The following GPBP1 variants were observed in gnomAD, a reference collection of about 807,000 sequenced individuals.
GPBP1 encodes the protein vasculin.
GPBP1 carries 13 observed loss-of-function variants against 56.5 expected under a neutral mutation model. The ratio of observed to expected loss-of-function variants is 0.23; its 90% confidence interval spans 0.15 to 0.37. The LOEUF (loss-of-function observed/expected upper bound fraction) is 0.37. Ranked by LOEUF, GPBP1 falls within the 10% of genes least tolerant of loss-of-function variation. The pLI, the probability that GPBP1 is intolerant of heterozygous loss-of-function variation, is 1.00. For synonymous variants in GPBP1, 204 were observed against 188.9 expected (o/e 1.08, Z -0.66); for missense variants, 477 against 572.3 (o/e 0.83, Z 1.70).
intron 10 of GPBP1, among the ~76,000 whole-genome samples, chr5:57,259,537 C>T (rs1741802446): frequency 6.6e-6 from 1 of 152,054 alleles, no homozygotes; most frequent in Non-Finnish European, 1.5e-5. Flanking sequence ...TTAGACCATC[C>T]CTGAAGAACT....
intron 3 of GPBP1, among the ~76,000 whole-genome samples, chr5:57,215,348 G>A (rs1755657012): frequency 6.6e-6 from 1 of 152,218 alleles, no homozygotes; most frequent in South Asian, 2.1e-4. Flanking sequence ...GTCACTTTGG[G>A]ATGAGGGTGA....
intron 2 of GPBP1, among the ~76,000 whole-genome samples, chr5:57,186,421 G>T (rs1393908260): frequency 6.6e-6 from 1 of 151,766 alleles, no homozygotes; most frequent in Non-Finnish European, 1.5e-5. Flanking sequence ...TTCTTTCATG[G>T]TTTGTGCTTT....
intron 6 of GPBP1, among the ~76,000 whole-genome samples, chr5:57,243,897 C>T (rs764511252): frequency 1.1e-4 from 17 of 151,938 alleles, no homozygotes; most frequent in African/African-American, 4.1e-4. Flanking sequence ...CTATATTGCC[C>T]AGGCTGGTCT....
chr5:57,245,455 A>G (rs1434471720), intron 6 of GPBP1: 1 of 152,202 alleles, frequency 6.6e-6, no homozygotes, highest in South Asian at 2.1e-4. Flanking sequence ...CATTACAGAT[A>G]TCTACCCAGC....
chr5:57,178,576 T>C (rs1000479009), intron 2 of GPBP1, among the ~76,000 whole-genome samples: 5 of 152,214 alleles, frequency 3.3e-5, no homozygotes, highest in Non-Finnish European at 7.3e-5. Flanking sequence ...ATTACTGATA[T>C]TGTTAATCTA....
At chr5:57,210,604 T>C (rs1036536624) in intron 2 of GPBP1, among the ~76,000 whole-genome samples, 7 of 152,210 alleles carry the variant, frequency 4.6e-5, no homozygotes, top group Admixed American at 3.3e-4. Context: ...AAAGGAAATA[T>C]TTAATACATA....
chr5:57,227,879 G>A (rs1756266247), intron 3 of GPBP1, among the ~76,000 whole-genome samples: 1 of 152,104 alleles, frequency 6.6e-6, no homozygotes, highest in Admixed American at 6.6e-5. Context: ...TAAAATATGA[G>A]TAAGAAATAA....
At chr5:57,184,045 A>C (rs1250765012) in intron 2 of GPBP1, among the ~76,000 whole-genome samples, 1 of 152,096 alleles carries the variant, frequency 6.6e-6, no homozygotes, top group African/African-American at 2.4e-5. Flanking sequence ...CAGCCTGGCC[A>C]ACATGGTGAA....
intron 9 of GPBP1, 115 bp downstream of exon 9, chr5:57,249,691 A>C (rs1741267886): frequency 3.6e-6 from 3 of 824,054 alleles, no homozygotes; most frequent in East Asian, 3.1e-5. Flanking sequence ...AAACTTGGAA[A>C]GCCATTTGCA....
rs998060649 is a variant in GPBP1 at position 57,234,697 on chromosome 5, C to T, written c.412-1269C>T. ...AGAAAAGGAAATCCAAGAGCTTTCA[C>T]GTGTGAGATGGATTTGATGTGCAAT... On this transcript the variant is annotated intron_variant, in intron 5 of 11. Transcript: ENST00000506184. Among the ~76,000 whole-genome samples, 16 of 152,282 alleles carry T rather than the reference C, an allele frequency of 1.1e-4. No homozygotes were observed. In the South Asian group the frequency reaches 1.5e-3, roughly 14 times the overall value.
At chr5:57,208,639 T>G (rs1755339612) in intron 2 of GPBP1, among the ~76,000 whole-genome samples, 1 of 150,412 alleles carries the variant, frequency 6.6e-6, no homozygotes, top group Admixed American at 6.8e-5. Context: ...CACAGGGATA[T>G]CTGTCTTTTG....
Position 57,225,277 on chromosome 5 carries a change from T to G in GPBP1, c.64-5569T>G, listed in dbSNP as rs188033287. Among the ~76,000 whole-genome samples the G allele has an allele frequency of 2.3e-3, 324 of 143,322 alleles. 1 individual carries two copies. Among genetic ancestry groups the G allele is most frequent in the Non-Finnish European group, 3.7e-3 (247 of 67,346 alleles). 94.0% of individuals were successfully genotyped at this position (143,322 alleles called of 152,430 possible). On this transcript the variant is annotated intron_variant, in intron 3 of 11. Coordinates refer to ENST00000506184, the MANE Select transcript of GPBP1 (RefSeq NM_022913.4). ...ATCTTGACCATCCTGGCTAACATGG[T>G]GAAACCCCGTCTCTACTAAAACCTG...
intron 2 of GPBP1, among the ~76,000 whole-genome samples, chr5:57,178,231 ATATT>A (rs1165398232): frequency 5.9e-5 from 9 of 152,224 alleles, no homozygotes; most frequent in African/African-American, 2.2e-4. Flanking sequence ...AAACTACATA[ATATT>A]TATTATTTGT....
intron 5 of GPBP1, 140 bp downstream of exon 5, chr5:57,231,461 C>T (rs4267825): frequency 0.29 from 200,967 of 704,764 alleles, 33,259 homozygotes; most frequent in East Asian, 0.71. Context: ...TTTGTAGAGA[C>T]AGGGTTTCAC....
chr5:57,240,118 G>T (rs1003085853), intron 6 of GPBP1, among the ~76,000 whole-genome samples: 3 of 152,090 alleles, frequency 2.0e-5, no homozygotes, highest in Non-Finnish European at 4.4e-5. Flanking sequence ...GGACGTGGTT[G>T]TGTGTGTCTG....
intron 10 of GPBP1, among the ~76,000 whole-genome samples, chr5:57,254,807 A>T (rs548177701): frequency 3.3e-5 from 5 of 152,198 alleles, no homozygotes; most frequent in Non-Finnish European, 5.9e-5. Flanking sequence ...TTTATAACTA[A>T]CTTAATCAGA....
chr5:57,212,774 A>G (rs980673944), intron 2 of GPBP1, among the ~76,000 whole-genome samples: 5 of 150,650 alleles, frequency 3.3e-5, no homozygotes, highest in South Asian at 4.2e-4. Context: ...GGTTCAAGCA[A>G]TTCTCTTGCC....
intron 2 of GPBP1, among the ~76,000 whole-genome samples, chr5:57,184,683 CAAG>C (rs1443175245): frequency 6.6e-6 from 1 of 152,102 alleles, no homozygotes. Context: ...GCATCAATGA[CAAG>C]AAAATTCTTT....
At chr5:57,200,847 A>C (rs370287416) in intron 2 of GPBP1, among the ~76,000 whole-genome samples, 44 of 152,056 alleles carry the variant, frequency 2.9e-4, no homozygotes, top group African/African-American at 9.9e-4. Context: ...ACGCGCGGCT[A>C]GTTTATATTT....
Sources: allele counts gnomAD v4.1 joint callset (sites outside exome capture counted in the v4.1 genomes callset), GRCh38; gene constraint gnomAD v4.1.1; transcripts MANE v1.5; gene names NCBI Gene and HGNC (gene_info 2026-07-23, HGNC 2026-07-21).